Variants in IL18BP observed in about 807,000 individuals in gnomAD.
IL18BP encodes interleukin 18 binding protein, also known as interleukin-18-binding protein.
In IL18BP, 23 loss-of-function variants were observed where a neutral mutation model predicts 19.9. The observed-to-expected ratio is 1.15, with a 90% CI of 0.83 to 1.64. IL18BP has a LOEUF of 1.64. Ranked by LOEUF, IL18BP falls within the 40% of genes most tolerant of loss-of-function variation. IL18BP has a pLI of 0.00. For missense variants in IL18BP, 239 were observed against 240.7 expected (o/e 0.99, Z 0.05); for synonymous variants, 107 against 101.0 (o/e 1.06, Z -0.35).
chr11:72,004,681 G>A (rs748606133), downstream of IL18BP: 2 of 1,613,574 alleles, frequency 1.2e-6, no homozygotes, highest in Non-Finnish European at 8.5e-7. Context: ...AGGGAGACCC[G>A]TTTGCGCTGC....
chr11:72,004,317 G>A (rs1226763750), downstream of IL18BP: 3 of 1,613,002 alleles, frequency 1.9e-6, no homozygotes, highest in Non-Finnish European at 2.5e-6. Flanking sequence ...ATGGGGCGTG[G>A]GAAACAGCTG....
Position 72,001,915 on chromosome 11 carries a change from C to T in IL18BP, c.*54C>T. ...ACCTTGACCAGAGCTTGGGTCCTAC[C>T]TGTCTACCTGGAGTGAACAGTCCCT... On this transcript the variant is annotated 3_prime_UTR_variant, in exon 6 of 6. Transcript: ENST00000393703. The T allele has an allele frequency of 1.2e-6, 2 of 1,610,498 alleles. No homozygotes were observed. Among genetic ancestry groups the T allele is most frequent in the Non-Finnish European group, 1.7e-6 (2 of 1,178,226 alleles).
At chr11:72,005,156 G>T, downstream of IL18BP, 1 of 1,444,824 alleles carries the variant, frequency 6.9e-7, no homozygotes, top group Non-Finnish European at 9.3e-7. Context: ...GGGCCCTAGT[G>T]CTCAGGCTAG....
intron 5 of IL18BP, 24 bp downstream of exon 5, chr11:72,001,576 C>T (rs765634441): frequency 6.8e-5 from 110 of 1,606,360 alleles, no homozygotes; most frequent in Non-Finnish European, 9.1e-5. Flanking sequence ...GGAGAGGCCT[C>T]CAGGAACAGG....
At chr11:72,004,845 A>G, downstream of IL18BP, 1 of 1,536,328 alleles carries the variant, frequency 6.5e-7, no homozygotes, top group Non-Finnish European at 8.7e-7. Flanking sequence ...TGGTCAGTGG[A>G]CCATAGCTGT....
In IL18BP at chr11:72,002,131, C is replaced by T. The variant is rs1218357125; in HGVS notation, c.*270C>T. On this transcript the variant is annotated 3_prime_UTR_variant, in exon 6 of 6. Coordinates refer to ENST00000393703, the MANE Select transcript of IL18BP (RefSeq NM_001039660.2). ...CTAACGTCCTACTCCTCACACTGCTCTACTGCTCAGAAACCACCAAGACTG... is the reference window on the plus strand; with the variant it reads ...CTAACGTCCTACTCCTCACACTGCTTTACTGCTCAGAAACCACCAAGACTG... 1.8e-6 allele frequency: 1 copy of T among 556,122 alleles called. No individual in the cohort carries two copies. Among genetic ancestry groups the T allele is most frequent in the Non-Finnish European group, 3.2e-6 (1 of 310,020 alleles). 34.4% of individuals were successfully genotyped at this position (556,122 alleles called of 1,614,324 possible).
At chr11:72,005,465 A>C, downstream of IL18BP, 1 of 1,199,684 alleles carries the variant, frequency 8.3e-7, no homozygotes, top group Non-Finnish European at 1.2e-6. Context: ...CACCTACCCC[A>C]TAAACTTGAA....
rs746164743 is a variant in IL18BP, at chr11:72,001,807, C to T, written c.531C>T (p.Pro177=). ...QLWAGLRATL[P]PTQEALPSSH... ...AGGCTGGGCTGAGGGCAACCTTGCC[C>T]CCCACCCAAGAAGCCCTGCCCTCCA... is the stretch of plus-strand genomic sequence containing the variant. The change falls in exon 6 of 6, where the codon CCC becomes CCT. Residue 177 remains proline (P), a synonymous_variant. Coordinates refer to ENST00000393703, the MANE Select transcript of IL18BP (RefSeq NM_001039660.2). 1.2e-6 allele frequency: 2 copies of T among 1,614,104 alleles called. No individual in the cohort carries two copies. The highest frequency in any genetic ancestry group is 1.7e-6 in the Non-Finnish European group (2 of 1,179,986).
At chr11:72,004,185 G>T (rs779674626), downstream of IL18BP, 1 of 1,603,478 alleles carries the variant, frequency 6.2e-7, no homozygotes, top group Non-Finnish European at 8.5e-7. Flanking sequence ...GCAAGGTCCC[G>T]CCAGGGCGTC....
downstream of IL18BP, chr11:72,005,770 C>G: frequency 1.9e-6 from 1 of 530,910 alleles, no homozygotes; most frequent in East Asian, 3.3e-5. Flanking sequence ...CTGAGAAGGG[C>G]ATGGAGGACT....
rs935353630 is a variant in IL18BP at position 72,002,599 on chromosome 11, TG to T, written c.*741del. The T allele has an allele frequency of 6.4e-6, 1 of 157,264 alleles. No homozygotes were observed. Among genetic ancestry groups the T allele is most frequent in the Non-Finnish European group, 1.4e-5 (1 of 70,942 alleles). The allele number at this position is 157,264 out of a possible 1,614,324, so 9.7% of individuals were successfully genotyped here. ...ACTTTGCCTGTCCCACGAGGGAGTA[TG>T]GGAGAGAGGGACTGCCACACAGAAG... is the stretch of plus-strand genomic sequence containing the variant. On this transcript the variant is annotated 3_prime_UTR_variant, in exon 6 of 6. Transcript: ENST00000393703.
At chr11:72,005,795 G>A (rs1011676676), downstream of IL18BP, 2 of 556,304 alleles carry the variant, frequency 3.6e-6, no homozygotes, top group African/African-American at 3.8e-5. Context: ...ACAGCTAAGT[G>A]TCACAATTGT....
chr11:72,007,111 A>C (rs1955772656), downstream of IL18BP: 5 of 1,542,538 alleles, frequency 3.2e-6, no homozygotes, highest in Non-Finnish European at 4.4e-6. Flanking sequence ...CCTGCTCCTG[A>C]CTGAGTGCCC....
At chr11:72,003,915 ATGGCGGCAGCAG>A (rs781038332), downstream of IL18BP, 14 of 1,613,208 alleles carry the variant, frequency 8.7e-6, no homozygotes, top group Admixed American at 1.3e-4. Context: ...GGTGGCACCA[ATGGCGGCAGCAG>A]TGGCGGCGCT....
At chr11:72,003,661 G>A, downstream of IL18BP, 1 of 1,313,322 alleles carries the variant, frequency 7.6e-7, no homozygotes, top group Non-Finnish European at 1.1e-6. Context: ...TGAGCCCCAG[G>A]GTTATCAGTT....
chr11:72,005,142 TC>T, downstream of IL18BP: 2 of 1,384,852 alleles, frequency 1.4e-6, no homozygotes, highest in Non-Finnish European at 1.9e-6. Flanking sequence ...CAGTCAGTGA[TC>T]CAGGGCCCTA....
At chr11:72,006,384 A>G (rs1955701127), downstream of IL18BP, 1 of 769,608 alleles carries the variant, frequency 1.3e-6, no homozygotes, top group Admixed American at 2.8e-5. Flanking sequence ...TGCTTTGCAA[A>G]GGTCCTTAAA....
At chr11:72,004,020 G>C (rs1193138011), downstream of IL18BP, 2 of 1,613,380 alleles carry the variant, frequency 1.2e-6, no homozygotes, top group Non-Finnish European at 8.5e-7. Flanking sequence ...CTTCTTTGAG[G>C]CTCCCCGCCG....
downstream of IL18BP, chr11:72,003,924 G>C: frequency 6.2e-7 from 1 of 1,612,620 alleles, no homozygotes; most frequent in Non-Finnish European, 8.5e-7. Context: ...AATGGCGGCA[G>C]CAGTGGCGGC....
Sources: allele counts gnomAD v4.1 joint callset, GRCh38; gene constraint gnomAD v4.1.1; transcripts MANE v1.5; gene names NCBI Gene and HGNC (gene_info 2026-07-23, HGNC 2026-07-21).